The following PTPRD variants were observed in gnomAD, a reference collection of about 807,000 sequenced individuals.
PTPRD encodes receptor-type tyrosine-protein phosphatase delta.
A neutral mutation model predicts 214.5 loss-of-function variants in PTPRD; 34 were observed. The observed-to-expected ratio is 0.16, with a 90% confidence interval of 0.12 to 0.21. PTPRD has a LOEUF of 0.21. Ranked by LOEUF, PTPRD falls within the 10% of genes least tolerant of loss-of-function variation. The pLI, the probability that PTPRD is intolerant of heterozygous loss-of-function variation, is 1.00. For missense variants in PTPRD, 2,545 were observed against 2,398.7 expected (o/e 1.06, Z -1.27); for synonymous variants, 1,128 against 845.7 (o/e 1.33, Z -5.79).
chr9:8,492,802 T>C, intron 27 of PTPRD, 60 bp downstream of exon 27: 1 of 1,241,910 alleles, frequency 8.1e-7, no homozygotes, highest in Non-Finnish European at 1.2e-6. Context: ...AGAAGCTACC[T>C]ATACCATTTA....
At chr9:9,139,106 C>G (rs545983599) in intron 10 of PTPRD, among the ~76,000 whole-genome samples, 2 of 151,742 alleles carry the variant, frequency 1.3e-5, no homozygotes, top group African/African-American at 2.4e-5. Flanking sequence ...CCCTCCCCCC[C>G]GCCCCCACCT....
Position 9,777,778 on chromosome 9 carries a change from G to T in PTPRD, c.-367-10927C>A, listed in dbSNP as rs543166008. On this transcript the variant is annotated intron_variant, in intron 5 of 45. Coordinates refer to ENST00000381196, the MANE Select transcript of PTPRD (RefSeq NM_002839.4). ...ACTAATATTAAAGAAGGTTTTAATG[G>T]TTTTTTTTGTAAAATGCATTATAAT... Among the ~76,000 whole-genome samples the T allele has an allele frequency of 1.5e-4, 23 of 151,922 alleles. No individual in the cohort carries two copies. In the South Asian group the frequency reaches 2.7e-3, roughly 18 times the overall value.
chr9:10,033,893 C>T (rs1023773011), intron 3 of PTPRD, 103 bp from the exon 4 acceptor site: 3 of 152,078 alleles, frequency 2.0e-5, no homozygotes, highest in African/African-American at 7.2e-5. Context: ...ACAGGAAAAA[C>T]TGCCTTGTAG....
chr9:9,890,346 C>T (rs1258678865), intron 5 of PTPRD, among the ~76,000 whole-genome samples: 7 of 151,774 alleles, frequency 4.6e-5, no homozygotes, highest in Non-Finnish European at 1.5e-5. Flanking sequence ...ACAAGTGTTC[C>T]CTCCACGCCT....
intron 14 of PTPRD, among the ~76,000 whole-genome samples, chr9:8,583,168 A>C (rs2093335622): frequency 6.6e-6 from 1 of 152,026 alleles, no homozygotes; most frequent in Non-Finnish European, 1.5e-5. Context: ...TAGGTTTTGC[A>C]CTCCTATGAG....
chr9:9,101,496 T>A (rs942948314), intron 10 of PTPRD, among the ~76,000 whole-genome samples: 9 of 152,188 alleles, frequency 5.9e-5, no homozygotes, highest in African/African-American at 2.2e-4. Flanking sequence ...GATGCATTAA[T>A]GAGGTAGCAG....
intron 8 of PTPRD, among the ~76,000 whole-genome samples, chr9:9,469,195 G>C (rs1490304326): frequency 6.6e-6 from 1 of 151,896 alleles, no homozygotes; most frequent in African/African-American, 2.4e-5. Context: ...AATGCTAATG[G>C]ATATATGTTA....
At chr9:10,065,165 A>AAGAAAGAAAGAT (rs1309730968) in intron 3 of PTPRD, among the ~76,000 whole-genome samples, 2 of 150,618 alleles carry the variant, frequency 1.3e-5, no homozygotes, top group African/African-American at 4.9e-5. Flanking sequence ...GAAAGAAAGA[A>AAGAAAGAAAGAT]AGAAAGAAAG....
chr9:10,564,543 A>G (rs1234626655), intron 2 of PTPRD, among the ~76,000 whole-genome samples: 2 of 152,046 alleles, frequency 1.3e-5, no homozygotes, highest in African/African-American at 2.4e-5. Context: ...TTCCAAGGGC[A>G]GATAGCCTAA....
At position 10,454,632 on chromosome 9, in the gene PTPRD, T is replaced by C. The variant is rs140713449; in HGVS notation, c.-599-113615A>G. Among the ~76,000 whole-genome samples, 302 of 151,854 alleles carry C rather than the reference T, an allele frequency of 2.0e-3. 3 individuals are homozygous for C. The highest frequency in any genetic ancestry group is 6.8e-3 in the Middle Eastern group (2 of 294). ...ATTTTCTACCTCTTCTCTCCCATAGTTCTTGCATCAGAATGTGTTCATCCT... is the reference window on the plus strand; with the variant it reads ...ATTTTCTACCTCTTCTCTCCCATAGCTCTTGCATCAGAATGTGTTCATCCT... On this transcript the variant is annotated intron_variant, in intron 2 of 45. Transcript: ENST00000381196.
chr9:8,769,623 C>T (rs1028159097), intron 11 of PTPRD, among the ~76,000 whole-genome samples: 1 of 152,136 alleles, frequency 6.6e-6, no homozygotes, highest in Non-Finnish European at 1.5e-5. Context: ...TAACAGGTTT[C>T]TCTCTAAACA....
chr9:10,121,316 G>C (rs1033558834), intron 3 of PTPRD, among the ~76,000 whole-genome samples: 2 of 152,116 alleles, frequency 1.3e-5, no homozygotes, highest in African/African-American at 4.8e-5. Flanking sequence ...GTTTTTTAGA[G>C]TTGGCTTTGG....
intron 2 of PTPRD, among the ~76,000 whole-genome samples, chr9:10,604,729 A>G (rs1305486737): frequency 1.3e-5 from 2 of 151,888 alleles, no homozygotes; most frequent in African/African-American, 4.8e-5. Context: ...CTAAAATTAT[A>G]AGCCATGGTC....
chr9:9,059,231 G>C (rs2099702806), intron 10 of PTPRD, among the ~76,000 whole-genome samples: 1 of 152,216 alleles, frequency 6.6e-6, no homozygotes, highest in South Asian at 2.1e-4. Flanking sequence ...GGAAAAACAT[G>C]TGGTACAGGT....
intron 3 of PTPRD, among the ~76,000 whole-genome samples, chr9:10,089,780 T>C (rs1398709563): frequency 6.6e-6 from 1 of 151,660 alleles, no homozygotes; most frequent in Non-Finnish European, 1.5e-5. Context: ...TCTCTACATA[T>C]ATTAAATGAA....
At chr9:10,575,945 G>C (rs536492658) in intron 2 of PTPRD, among the ~76,000 whole-genome samples, 1 of 152,180 alleles carries the variant, frequency 6.6e-6, no homozygotes, top group South Asian at 2.1e-4. Context: ...TTTTTTAAGA[G>C]TAGAACAGAC....
intron 5 of PTPRD, among the ~76,000 whole-genome samples, chr9:9,786,731 C>T (rs981855542): frequency 6.6e-6 from 1 of 152,156 alleles, no homozygotes; most frequent in South Asian, 2.1e-4. Context: ...ACGTAACAAA[C>T]CTGCATGTTG....
chr9:9,351,731 G>A (rs768356611), intron 9 of PTPRD, among the ~76,000 whole-genome samples: 9 of 152,040 alleles, frequency 5.9e-5, no homozygotes, highest in Non-Finnish European at 1.2e-4. Context: ...ATTCTCTAGT[G>A]TATGTCTGTG....
In PTPRD at chr9:9,939,894, G is replaced by T. The variant is rs916599962; in HGVS notation, c.-471-1284C>A. Among the ~76,000 whole-genome samples, 17 of 152,132 alleles carry T rather than the reference G, an allele frequency of 1.1e-4. 1 individual carries two copies. The highest frequency in any genetic ancestry group is 5.9e-5 in the Non-Finnish European group (4 of 68,020). ...CTCCTTGTAGCCCTTTTTAATCTCA[G>T]ATCATTCTGGAATCCACTTTATCAC... On this transcript the variant is annotated intron_variant, in intron 4 of 45. Coordinates refer to ENST00000381196, the MANE Select transcript of PTPRD (RefSeq NM_002839.4).
Sources: allele counts gnomAD v4.1 joint callset (sites outside exome capture counted in the v4.1 genomes callset), GRCh38; gene constraint gnomAD v4.1.1; transcripts MANE v1.5; gene names NCBI Gene and HGNC (gene_info 2026-07-23, HGNC 2026-07-21).